SCMH1: variants seen among roughly 807,000 people sequenced by gnomAD.
The protein encoded by SCMH1 is Scm polycomb group protein homolog 1, also known as polycomb protein SCMH1.
In SCMH1, 37 loss-of-function variants were observed where a neutral mutation model predicts 70.8. The ratio of observed to expected loss-of-function variants is 0.52; its 90% CI spans 0.40 to 0.69. The LOEUF (loss-of-function observed/expected upper bound fraction) is 0.69, where lower values mean the gene tolerates loss of function less well. Among genes scored for constraint, SCMH1 ranks in the 30% least tolerant of loss-of-function variants. The probability of loss-of-function intolerance (pLI) is 0.00; values close to 1 mark genes in which losing one functional copy is unlikely to be tolerated. For synonymous variants in SCMH1, 292 were observed against 307.4 expected (o/e 0.95, Z 0.52); for missense variants, 607 against 827.3 (o/e 0.73, Z 3.27).
intron 9 of SCMH1, among the ~76,000 whole-genome samples, chr1:41,074,091 T>TA (rs1657442562): frequency 1.4e-5 from 2 of 147,286 alleles, no homozygotes; most frequent in African/African-American, 4.9e-5. Flanking sequence ...TTTTTTTTTT[T>TA]ATATCAATGC....
At chr1:41,197,081 T>C (rs781772849) in intron 1 of SCMH1, among the ~76,000 whole-genome samples, 1 of 152,132 alleles carries the variant, frequency 6.6e-6, no homozygotes, top group Non-Finnish European at 1.5e-5. Context: ...ATTGCAACCA[T>C]CATGCATTGC....
At chr1:41,189,611 A>C (rs1651164785) in intron 1 of SCMH1, among the ~76,000 whole-genome samples, 1 of 152,222 alleles carries the variant, frequency 6.6e-6, no homozygotes, top group Admixed American at 6.5e-5. Context: ...TTCTCAAAGA[A>C]AGCAATAAAT....
At chr1:41,059,971 G>T (rs1415673807) in intron 10 of SCMH1, among the ~76,000 whole-genome samples, 1 of 139,566 alleles carries the variant, frequency 7.2e-6, no homozygotes, top group Non-Finnish European at 1.6e-5. Flanking sequence ...TCAAGGGAAA[G>T]AAACTCCCAA....
At chr1:41,232,296 T>C (rs1553187295) in intron 1 of SCMH1, among the ~76,000 whole-genome samples, 1 of 152,244 alleles carries the variant, frequency 6.6e-6, no homozygotes, top group Non-Finnish European at 1.5e-5. Context: ...ATATGAGCAC[T>C]GATCCTAACG....
chr1:41,200,099 A>G (rs962482078), intron 1 of SCMH1, among the ~76,000 whole-genome samples: 5 of 152,182 alleles, frequency 3.3e-5, no homozygotes, highest in African/African-American at 1.2e-4. Flanking sequence ...TGGCTTTCAG[A>G]TCTTTTTTGA....
At chr1:41,037,709 C>T (rs1185317018) in intron 12 of SCMH1, among the ~76,000 whole-genome samples, 168 bp from the exon 13 acceptor site, 1 of 152,228 alleles carries the variant, frequency 6.6e-6, no homozygotes, top group African/African-American at 2.4e-5. Context: ...TGACCTTAGT[C>T]AAGCTCAGTG....
intron 12 of SCMH1, among the ~76,000 whole-genome samples, chr1:41,038,688 T>C (rs776446430): frequency 7.2e-5 from 11 of 151,760 alleles, no homozygotes; most frequent in Non-Finnish European, 1.3e-4. Context: ...AACCCTTTCC[T>C]AGAAGTGGTT....
intron 1 of SCMH1, among the ~76,000 whole-genome samples, chr1:41,233,117 C>T (rs554172158): frequency 1.3e-5 from 2 of 152,270 alleles, no homozygotes; most frequent in African/African-American, 2.4e-5. Flanking sequence ...AAATCATTCA[C>T]GGCAACTCCT....
In SCMH1 at chr1:41,113,394, C is replaced by T. The variant is rs753871671; in HGVS notation, c.634G>A (p.Asp212Asn). 1 of 1,614,064 alleles carries T rather than the reference C, an allele frequency of 6.2e-7. No homozygotes were observed. Among genetic ancestry groups the T allele is most frequent in the Non-Finnish European group, 8.5e-7 (1 of 1,179,976 alleles). Residue 212 changes from aspartate to asparagine, a missense_variant, in exon 8 of 15, where the codon GAT becomes AAT. Physicochemically the swap from Asp to Asn is conservative, Grantham distance 23. Coordinates refer to ENST00000337495, the Ensembl canonical transcript of SCMH1. The surrounding 1 kb of genome is among the most constrained non-coding windows in gnomAD (Gnocchi z 4.3). ...TAGTCAAAGGCCCCTCGCCACCCAT[C>T]AAAAGTGACAAGCACCTCTGAGCCC...
chr1:41,194,512 G>C (rs974509759), intron 1 of SCMH1, among the ~76,000 whole-genome samples: 1 of 152,162 alleles, frequency 6.6e-6, no homozygotes, highest in East Asian at 1.9e-4. Flanking sequence ...ATCCAGACAG[G>C]GCTTCTCAAG....
At chr1:41,131,637 T>C (rs1435688346) in intron 6 of SCMH1, among the ~76,000 whole-genome samples, 2 of 152,210 alleles carry the variant, frequency 1.3e-5, no homozygotes, top group Non-Finnish European at 2.9e-5. Context: ...AGGTGCCATG[T>C]TGGTTTGCTG....
At chr1:41,079,041 G>A (rs1425869649) in intron 8 of SCMH1, among the ~76,000 whole-genome samples, 3 of 152,150 alleles carry the variant, frequency 2.0e-5, no homozygotes, top group Non-Finnish European at 4.4e-5. Flanking sequence ...AGTAGTTAGA[G>A]CACTTATTTA....
chr1:41,044,866 G>A (rs916377206), intron 12 of SCMH1, among the ~76,000 whole-genome samples: 3 of 152,188 alleles, frequency 2.0e-5, no homozygotes, highest in Non-Finnish European at 4.4e-5. Flanking sequence ...GCAGGCCCAT[G>A]AGGTACATCC....
chr1:41,132,226 TA>T (rs753317988), intron 6 of SCMH1, among the ~76,000 whole-genome samples: 1 of 152,230 alleles, frequency 6.6e-6, no homozygotes, highest in Non-Finnish European at 1.5e-5. Context: ...CCAGACTTTT[TA>T]ATGATCGCCA....
At chr1:41,135,517 T>C (rs936345455) in intron 6 of SCMH1, among the ~76,000 whole-genome samples, 7 of 152,170 alleles carry the variant, frequency 4.6e-5, no homozygotes, top group African/African-American at 1.4e-4. Flanking sequence ...AAGAAGGATG[T>C]GTTTGCTTCC....
intron 10 of SCMH1, 92 bp downstream of exon 10, chr1:41,070,503 T>A: frequency 6.9e-7 from 1 of 1,453,444 alleles, no homozygotes; most frequent in Non-Finnish European, 9.3e-7. Context: ...GGTTTACAAG[T>A]GGAAAGGTGC....
chr1:41,035,552 A>G (rs1372223044), intron 13 of SCMH1, among the ~76,000 whole-genome samples: 1 of 151,976 alleles, frequency 6.6e-6, no homozygotes, highest in African/African-American at 2.4e-5. Flanking sequence ...GCCTTTCTCT[A>G]TTCACTGATG....
At chr1:41,134,956 C>T (rs903572012) in intron 6 of SCMH1, among the ~76,000 whole-genome samples, 15 of 151,496 alleles carry the variant, frequency 9.9e-5, no homozygotes, top group African/African-American at 3.6e-4. Flanking sequence ...TGATTTTATT[C>T]CTTAGCTTTT....
chr1:41,160,757 T>G, intron 4 of SCMH1, 118 bp downstream of exon 4: 1 of 937,530 alleles, frequency 1.1e-6, no homozygotes, highest in Non-Finnish European at 1.7e-6. Context: ...CAGGATTCAC[T>G]GGTTTCTGAG....
Sources: gnomAD v4.1 joint callset for allele counts (sites outside exome capture counted in the v4.1 genomes callset) on GRCh38, gnomAD v4.1.1 for gene constraint, Gnocchi (gnomAD v3.1) non-coding constraint, MANE v1.5 for transcripts, NCBI Gene and HGNC (gene_info 2026-07-23, HGNC 2026-07-21) for gene names.